BRSK1: variants seen among roughly 807,000 people sequenced by gnomAD.
BRSK1 encodes the protein BR serine/threonine kinase 1.
BRSK1 carries 17 observed loss-of-function variants against 86.2 expected under a neutral mutation model. The ratio of observed to expected loss-of-function variants is 0.20; its 90% confidence interval spans 0.14 to 0.30. BRSK1 has a LOEUF of 0.30. BRSK1 is among the 10% of genes least tolerant of loss of function. The pLI is 1.00. For synonymous variants in BRSK1, 464 were observed against 440.1 expected, an observed-to-expected ratio of 1.05 and a Z score of -0.68; for missense variants, 719 against 1,071.9, an observed-to-expected ratio of 0.67 and a Z score of 4.60.
chr19:55,292,140 T>C (rs973432810), intron 4 of BRSK1, among the ~76,000 whole-genome samples: 19 of 152,100 alleles, frequency 1.2e-4, no homozygotes, highest in African/African-American at 4.6e-4. Context: ...GGGGGAGATA[T>C]TCAACGTATT....
chr19:55,284,409 C>T lies in BRSK1; in HGVS notation c.-34C>T. 1.8e-6 allele frequency: 2 copies of T among 1,127,732 alleles called. No homozygotes were observed. 69.9% of individuals were successfully genotyped at this position (1,127,732 alleles called of 1,614,324 possible). On this transcript the variant is annotated 5_prime_UTR_variant, in exon 1 of 19. Transcript: ENST00000309383. ...GGGGCGACGGCCGCAGGGGGGGCGG[C>T]CGGGGGACCGGTCGGGCCGGGACCA...
In BRSK1 at chr19:55,304,833, G is replaced by A. The variant is rs751823280; in HGVS notation, c.1630G>A (p.Val544Ile). The change falls in exon 14 of 19, where the codon GTC becomes ATC. Residue 544 changes from valine (V) to isoleucine (I), a missense_variant. Physicochemically the swap from Val to Ile is conservative, Grantham distance 29 (BLOSUM62 3). Transcript: ENST00000309383. The surrounding 1 kb of genome is among the most constrained non-coding windows in gnomAD (Gnocchi z 5.2). ...TTPPPSPGGG[V>I]GGAAWRSRLN... is the part of the protein sequence containing the mutation. Reference sequence around the variant, plus strand: ...ACCACCCCCCAGCCCCGGCGGTGGCGTCGGGGGAGCCGCCTGGAGGAGTCG... The same window carrying A: ...ACCACCCCCCAGCCCCGGCGGTGGCATCGGGGGAGCCGCCTGGAGGAGTCG... 46 of 1,599,046 alleles carry A rather than the reference G, an allele frequency of 2.9e-5. No homozygotes were observed. Among genetic ancestry groups the A allele is most frequent in the African/African-American group, 4.0e-5 (3 of 74,578 alleles).
Position 55,304,893 on chromosome 19 carries a change from C to G in BRSK1, c.1690C>G (p.Pro564Ala), listed in dbSNP as rs2088626221. The change falls in exon 14 of 19, where the codon CCT becomes GCT. Residue 564 changes from proline (P) to alanine (A), a missense_variant. Pro to Ala is a conservative substitution (Grantham distance 27, BLOSUM62 -1). Transcript: ENST00000309383. This position sits in a 1 kb window ranked among gnomAD's most constrained non-coding sequence, Gnocchi z 5.2. Reference protein sequence around the residue: ...NSIRNSFLGSPRFHRRKMQVP... With the variant: ...NSIRNSFLGSARFHRRKMQVP... Reference sequence around the variant, plus strand: ...CATCCGCAACAGCTTCCTGGGCTCCCCTCGCTTTCACCGGCGCAAGATGCA... The same window carrying G: ...CATCCGCAACAGCTTCCTGGGCTCCGCTCGCTTTCACCGGCGCAAGATGCA... 1 of 1,609,170 alleles carries G rather than the reference C, an allele frequency of 6.2e-7. No homozygotes were observed. The highest frequency in any genetic ancestry group is 1.3e-5 in the African/African-American group (1 of 74,864).
At chr19:55,296,803 A>G (rs184355397) in intron 7 of BRSK1, among the ~76,000 whole-genome samples, 5,715 of 151,932 alleles carry the variant, frequency 0.038, 351 homozygotes, top group African/African-American at 0.13. Context: ...AGCCGAGATC[A>G]TGCCACTGCA....
At chr19:55,295,677 G>A (rs917540361) in intron 7 of BRSK1, among the ~76,000 whole-genome samples, 1 of 152,240 alleles carries the variant, frequency 6.6e-6, no homozygotes, top group Middle Eastern at 3.4e-3. Flanking sequence ...GTAATAACAA[G>A]TATAACCAGG....
chr19:55,308,128 C>A (rs937541081), intron 17 of BRSK1, among the ~76,000 whole-genome samples: 5 of 149,238 alleles, frequency 3.4e-5, no homozygotes, highest in Non-Finnish European at 7.4e-5. Context: ...TCGAGAGATT[C>A]TCTTGTCTTA....
Position 55,287,088 on chromosome 19 carries a change from C to T in BRSK1, c.218C>T (p.Ser73Leu), listed in dbSNP as rs1312876236. The T allele has an allele frequency of 4.0e-6, 6 of 1,500,026 alleles. No individual in the cohort carries two copies. Among genetic ancestry groups the T allele is most frequent in the South Asian group, 3.4e-5 (3 of 89,316 alleles). 92.9% of individuals were successfully genotyped at this position (1,500,026 alleles called of 1,614,324 possible). A position where few individuals can be genotyped will look rare whatever the true frequency, so the allele number is the denominator to read the frequency against. ...KIVNREKLSESVLMKVEREIA... is the reference protein window; with the variant it reads ...KIVNREKLSELVLMKVEREIA... ...GTGAACCGGGAGAAGCTGTCGGAGTCGGTGCTGATGAAGGTGTGTGCGCCT... is the reference window on the plus strand; with the variant it reads ...GTGAACCGGGAGAAGCTGTCGGAGTTGGTGCTGATGAAGGTGTGTGCGCCT... The change falls in exon 2 of 19, where the codon TCG (serine) becomes TTG (leucine). Residue 73 changes from serine to leucine, a missense_variant. Ser to Leu is a moderately radical substitution (Grantham distance 145). This residue lies in a region of BRSK1 where 71 missense variants were observed against 92.6 expected (regional missense o/e 0.77). Coordinates refer to ENST00000309383, the MANE Select transcript of BRSK1 (RefSeq NM_032430.2). This position sits in a 1 kb window ranked among gnomAD's most constrained non-coding sequence, Gnocchi z 5.3.
In BRSK1 at chr19:55,284,358, C is replaced by G; in HGVS notation, c.-85C>G. 1.1e-6 allele frequency: 1 copy of G among 909,672 alleles called. No individual in the cohort carries two copies. Among genetic ancestry groups the G allele is most frequent in the East Asian group, 3.6e-5 (1 of 28,148 alleles). 56.4% of individuals were successfully genotyped at this position (909,672 alleles called of 1,614,324 possible). On this transcript the variant is annotated 5_prime_UTR_variant, in exon 1 of 19. Coordinates refer to ENST00000309383, the MANE Select transcript of BRSK1 (RefSeq NM_032430.2). ...GGCAGCCGGGGGGGCCGGGACGGAG[C>G]GGTCGCCGGCCCCCACCGGAGAGAC...
chr19:55,307,747 T>TAC (rs68176323), intron 17 of BRSK1, among the ~76,000 whole-genome samples: 1,969 of 88,072 alleles, frequency 0.022, 64 homozygotes, highest in African/African-American at 0.079. Context: ...AAAAAATTTA[T>TAC]ACACACACAC....
Position 55,305,449 on chromosome 19 carries a change from C to A in BRSK1, c.1767-14C>A, listed in dbSNP as rs1219611761. Reference sequence around the variant, plus strand: ...GCCTTCCTAACCCTCCTCCAACCACCCCCTCCCACTCAGGCTGGCAAAACG... The same window carrying A: ...GCCTTCCTAACCCTCCTCCAACCACACCCTCCCACTCAGGCTGGCAAAACG... On this transcript the variant is annotated splice_polypyrimidine_tract_variant and intron_variant, in intron 15 of 18. Transcript: ENST00000309383. 1 of 1,614,156 alleles carries A rather than the reference C, an allele frequency of 6.2e-7. No homozygotes were observed. The highest frequency in any genetic ancestry group is 1.7e-5 in the Admixed American group (1 of 60,022).
chr19:55,302,508 A>G lies in BRSK1; in HGVS notation c.858-189A>G. 4.2e-6 allele frequency: 3 copies of G among 718,658 alleles called. No individual in the cohort carries two copies. Among genetic ancestry groups the G allele is most frequent in the South Asian group, 2.0e-5 (1 of 50,762 alleles). 44.5% of individuals were successfully genotyped at this position (718,658 alleles called of 1,614,324 possible). A position where few individuals can be genotyped will look rare whatever the true frequency, so the allele number is the denominator to read the frequency against. ...CCTGGACCCCTCGGTCGGAGGGAAA[A>G]GGGGCTGGAGGTCTGGACTCCTGGG... On this transcript the variant is annotated intron_variant, in intron 9 of 18. Coordinates refer to ENST00000309383, the MANE Select transcript of BRSK1 (RefSeq NM_032430.2). The surrounding 1 kb of genome is among the most constrained non-coding windows in gnomAD (Gnocchi z 6.3).
In BRSK1 at chr19:55,303,026, C is replaced by G; in HGVS notation, c.1028+159C>G. 1.2e-6 allele frequency: 1 copy of G among 869,466 alleles called. No homozygotes were observed. Among genetic ancestry groups the G allele is most frequent in the Non-Finnish European group, 1.7e-6 (1 of 578,076 alleles). The allele number at this position is 869,466 out of a possible 1,614,324, so 53.9% of individuals were successfully genotyped here. ...GATGGAACCAGCGGAGAAAACGGCC[C>G]AGAAACACGCTGAGAAAGTATTAAT... On this transcript the variant is annotated intron_variant, in intron 10 of 18. Coordinates refer to ENST00000309383, the MANE Select transcript of BRSK1 (RefSeq NM_032430.2). This position sits in a 1 kb window ranked among gnomAD's most constrained non-coding sequence, Gnocchi z 5.1.
Position 55,306,143 on chromosome 19 carries a change from C to T in BRSK1, c.1891-109C>T. Reference sequence around the variant, plus strand: ...GCCTCCCAATGCATTTCCTGTCCTTCTTTCCCTCCAGTGGCTCATGGGACT... The same window carrying T: ...GCCTCCCAATGCATTTCCTGTCCTTTTTTCCCTCCAGTGGCTCATGGGACT... On this transcript the variant is annotated intron_variant, in intron 16 of 18. Coordinates refer to ENST00000309383, the MANE Select transcript of BRSK1 (RefSeq NM_032430.2). This position sits in a 1 kb window ranked among gnomAD's most constrained non-coding sequence, Gnocchi z 4.7. 2 of 1,100,864 alleles carry T rather than the reference C, an allele frequency of 1.8e-6. No individual in the cohort carries two copies. Among genetic ancestry groups the T allele is most frequent in the Admixed American group, 2.2e-5 (1 of 45,734 alleles). The allele number at this position is 1,100,864 out of a possible 1,614,324, so 68.2% of individuals were successfully genotyped here. A position where few individuals can be genotyped will look rare whatever the true frequency, so the allele number is the denominator to read the frequency against.
chr19:55,308,617 T>G (rs967088914), intron 17 of BRSK1, 22 bp from the exon 18 acceptor site: 5 of 1,603,276 alleles, frequency 3.1e-6, no homozygotes, highest in Non-Finnish European at 4.3e-6. Context: ...GTCAGTGTTT[T>G]TCTGCCCGCC....
At chr19:55,309,402 T>A (rs2088730450) in intron 18 of BRSK1, among the ~76,000 whole-genome samples, 1 of 152,192 alleles carries the variant, frequency 6.6e-6, no homozygotes, top group African/African-American at 2.4e-5. Flanking sequence ...GGTGTCTTAG[T>A]TCGTTCAGGC....
chr19:55,300,181 T>C (rs1430734432), intron 7 of BRSK1, among the ~76,000 whole-genome samples: 4 of 152,210 alleles, frequency 2.6e-5, no homozygotes, highest in Admixed American at 6.5e-5. Flanking sequence ...TGTCCCCTGC[T>C]TCATGGCTGG....
intron 7 of BRSK1, 63 bp from the exon 8 acceptor site, chr19:55,301,449 C>T: frequency 6.4e-7 from 1 of 1,569,132 alleles, no homozygotes; most frequent in Non-Finnish European, 8.7e-7. Context: ...TAGTTCCCCA[C>T]CTCCAGTGCT....
chr19:55,289,266 C>G (rs760831127), intron 3 of BRSK1, among the ~76,000 whole-genome samples: 7 of 152,102 alleles, frequency 4.6e-5, no homozygotes, highest in Admixed American at 1.3e-4. Context: ...CACTTCCTCC[C>G]AGGGAGTGAT....
intron 7 of BRSK1, among the ~76,000 whole-genome samples, chr19:55,296,527 C>T (rs145525279): frequency 8.5e-5 from 13 of 152,088 alleles, no homozygotes; most frequent in Non-Finnish European, 1.6e-4. Context: ...GCAAGCAAGA[C>T]CCCATCTCAA....
Sources: allele counts gnomAD v4.1 joint callset (sites outside exome capture counted in the v4.1 genomes callset), GRCh38; gene constraint gnomAD v4.1.1; regional missense constraint gnomAD v4.1.1; non-coding constraint Gnocchi (gnomAD v3.1); transcripts MANE v1.5; gene names NCBI Gene and HGNC (gene_info 2026-07-23, HGNC 2026-07-21).